RDH10: variants seen among roughly 807,000 people sequenced by gnomAD.
RDH10 encodes retinol dehydrogenase 10 (all-trans).
In RDH10, 12 loss-of-function variants were observed where a neutral mutation model predicts 30.2. That is an observed-to-expected ratio of 0.40 (90% CI 0.25 to 0.64). The LOEUF is 0.64. Among genes scored for constraint, RDH10 ranks in the 30% least tolerant of loss-of-function variants. The pLI, the probability that RDH10 is intolerant of heterozygous loss-of-function variation, is 0.43. For missense variants in RDH10, 268 were observed against 445.2 expected (o/e 0.60, Z 3.58); for synonymous variants, 189 against 172.2 (o/e 1.10, Z -0.76).
chr8:73,296,596 C>T (rs1286547135), intron 1 of RDH10, among the ~76,000 whole-genome samples: 1 of 152,132 alleles, frequency 6.6e-6, no homozygotes, highest in Admixed American at 6.5e-5. Context: ...GGTAAAATTG[C>T]ATATTTACCT....
intron 2 of RDH10, 44 bp downstream of exon 2, chr8:73,297,473 T>C (rs1814287766): frequency 1.4e-6 from 2 of 1,399,610 alleles, no homozygotes; most frequent in African/African-American, 2.8e-5. Flanking sequence ...CCCTCCTTAA[T>C]GAGAAGGTTG....
intron 2 of RDH10, among the ~76,000 whole-genome samples, chr8:73,301,176 G>A (rs1041611773): frequency 9.7e-5 from 14 of 144,734 alleles, no homozygotes; most frequent in East Asian, 2.1e-4. Context: ...TCAGCCTCCC[G>A]AGTAGCTGGG....
intron 2 of RDH10, among the ~76,000 whole-genome samples, chr8:73,299,691 A>G (rs1814342880): frequency 6.6e-6 from 1 of 152,208 alleles, no homozygotes; most frequent in South Asian, 2.1e-4. Context: ...CATCTTGCCT[A>G]CTTTGTCTGC....
Position 73,295,553 on chromosome 8 carries a change from G to A in RDH10, c.264G>A (p.Glu88=), listed in dbSNP as rs1332430418. ...TGCGCCACATCTACCGCGACCTGGA[G>A]GCGGCCGACGCCGCTGCGCTGCAAG... is the stretch of plus-strand genomic sequence containing the variant. The part of the protein sequence containing the change: ...GMVRHIYRDL[E]AADAAALQAG... Residue 88 remains glutamate (E), a synonymous_variant, in exon 1 of 6, where the codon GAG becomes GAA. Coordinates refer to ENST00000240285, the MANE Select transcript of RDH10 (RefSeq NM_172037.5). The A allele has an allele frequency of 1.4e-5, 22 of 1,539,666 alleles. No homozygotes were observed. Among genetic ancestry groups the A allele is most frequent in the Non-Finnish European group, 1.9e-5 (22 of 1,144,364 alleles).
At position 73,295,591 on chromosome 8, in the gene RDH10, C is replaced by T. The variant is rs548981209; in HGVS notation, c.289+13C>T. The T allele has an allele frequency of 4.7e-6, 7 of 1,481,652 alleles. No individual in the cohort carries two copies. The East Asian group carries it at 1.6e-4, about 33-fold the overall frequency. 91.8% of individuals were successfully genotyped at this position (1,481,652 alleles called of 1,614,324 possible). ...GCTGCGCTGCAAGGTAACCTGGACC[C>T]GCGCGGGAGCATTGTTGGGTCAAGC... is the stretch of plus-strand genomic sequence containing the variant. On this transcript the variant is annotated intron_variant, in intron 1 of 5. Coordinates refer to ENST00000240285, the MANE Select transcript of RDH10 (RefSeq NM_172037.5).
At chr8:73,297,725 GTTTA>G (rs1175917426) in intron 2 of RDH10, 2 of 278,998 alleles carry the variant, frequency 7.2e-6, no homozygotes, top group African/African-American at 4.3e-5. Context: ...CCCTGGGTTT[GTTTA>G]TTTTACTTTC....
chr8:73,309,578 A>G (rs1366462167), intron 2 of RDH10, among the ~76,000 whole-genome samples: 1 of 147,190 alleles, frequency 6.8e-6, no homozygotes, highest in Non-Finnish European at 1.5e-5. Context: ...ACTAAAAGTG[A>G]TGAAGTTTTG....
At chr8:73,322,168 G>A (rs1563553075) in intron 4 of RDH10, 1 of 375,450 alleles carries the variant, frequency 2.7e-6, no homozygotes, top group Non-Finnish European at 5.3e-6. Flanking sequence ...CAAACTGAAG[G>A]TAGGATGTCT....
rs952797709 is a variant in RDH10, at chr8:73,323,232, G to A, written c.*196G>A. ...ATGTGATCAGTACAAGTGAACTTAG[G>A]TTGTTGCCAACAGGGTCCTTTTAGG... On this transcript the variant is annotated 3_prime_UTR_variant, in exon 6 of 6. Transcript: ENST00000240285. 4.2e-6 allele frequency: 2 copies of A among 477,876 alleles called. No homozygotes were observed. The highest frequency in any genetic ancestry group is 7.5e-6 in the Non-Finnish European group (2 of 265,960). The allele number at this position is 477,876 out of a possible 1,614,324, so 29.6% of individuals were successfully genotyped here.
intron 2 of RDH10, among the ~76,000 whole-genome samples, chr8:73,307,815 G>A (rs1181344252): frequency 6.6e-6 from 1 of 152,170 alleles, no homozygotes; most frequent in Admixed American, 6.5e-5. Flanking sequence ...ATCTTCAAAT[G>A]TTGATTTTTT....
At chr8:73,318,401 T>C (rs887765668) in intron 2 of RDH10, among the ~76,000 whole-genome samples, 5 of 152,232 alleles carry the variant, frequency 3.3e-5, no homozygotes, top group Non-Finnish European at 7.3e-5. Flanking sequence ...GTGTGGCCAG[T>C]CACTTGCATC....
intron 2 of RDH10, among the ~76,000 whole-genome samples, chr8:73,304,376 G>A (rs1334056701): frequency 6.6e-6 from 1 of 152,030 alleles, no homozygotes; most frequent in African/African-American, 2.4e-5. Flanking sequence ...ACTTCATCCT[G>A]TGTGCCTCCA....
intron 2 of RDH10, among the ~76,000 whole-genome samples, chr8:73,302,258 A>G (rs1038973658): frequency 7.2e-5 from 11 of 152,240 alleles, no homozygotes; most frequent in African/African-American, 2.7e-4. Flanking sequence ...GGTAGGTTCT[A>G]GTCAGCATAA....
chr8:73,295,174 G>T lies in RDH10; in HGVS notation c.-116G>T. Reference sequence around the variant, plus strand: ...GGCACCTCGGGGGCGGGCGCGGGGCGCAGCCTTCTCGTCCCGGCCTCTGTG... The same window carrying T: ...GGCACCTCGGGGGCGGGCGCGGGGCTCAGCCTTCTCGTCCCGGCCTCTGTG... On this transcript the variant is annotated 5_prime_UTR_variant, in exon 1 of 6. Transcript: ENST00000240285. 1 of 1,036,318 alleles carries T rather than the reference G, an allele frequency of 9.6e-7. No individual in the cohort carries two copies. Among genetic ancestry groups the T allele is most frequent in the African/African-American group, 1.7e-5 (1 of 58,548 alleles). 64.2% of individuals were successfully genotyped at this position (1,036,318 alleles called of 1,614,324 possible).
At chr8:73,302,060 C>T (rs4460365) in intron 2 of RDH10, among the ~76,000 whole-genome samples, 24,837 of 152,132 alleles carry the variant, frequency 0.16, 2,396 homozygotes, top group Non-Finnish European at 0.22. Context: ...ACCCCCTTGG[C>T]AATTCTTTCC....
intron 2 of RDH10, among the ~76,000 whole-genome samples, chr8:73,309,086 C>T (rs1201771320): frequency 2.0e-5 from 3 of 151,686 alleles, no homozygotes; most frequent in African/African-American, 7.3e-5. Flanking sequence ...CATACACACA[C>T]TTTTTTTTTC....
chr8:73,310,287 A>G (rs1814541730), intron 2 of RDH10, among the ~76,000 whole-genome samples: 1 of 152,258 alleles, frequency 6.6e-6, no homozygotes, highest in Non-Finnish European at 1.5e-5. Context: ...ATGTTTAAAA[A>G]CAGAATAAGT....
intron 3 of RDH10, among the ~76,000 whole-genome samples, chr8:73,319,652 G>C (rs1814732216): frequency 6.6e-6 from 1 of 152,246 alleles, no homozygotes; most frequent in Admixed American, 6.5e-5. Flanking sequence ...ATTTTCATTA[G>C]CAGCTTCACT....
chr8:73,294,710 C>T lies in RDH10; in HGVS notation c.-580C>T. On this transcript the variant is annotated 5_prime_UTR_variant, in exon 1 of 6. Coordinates refer to ENST00000240285, the MANE Select transcript of RDH10 (RefSeq NM_172037.5). ...GCCGGGGAACGCGAGCCCTCGGGGG[C>T]AGCTGCAAGGCGTTGGGCAGCGCTT... 1 of 369,984 alleles carries T rather than the reference C, an allele frequency of 2.7e-6. No homozygotes were observed. The highest frequency in any genetic ancestry group is 4.8e-6 in the Non-Finnish European group (1 of 208,024). 22.9% of individuals were successfully genotyped at this position (369,984 alleles called of 1,614,324 possible). A position where few individuals can be genotyped will look rare whatever the true frequency, so the allele number is the denominator to read the frequency against.
Sources: gnomAD v4.1 joint callset for allele counts (sites outside exome capture counted in the v4.1 genomes callset) on GRCh38, gnomAD v4.1.1 for gene constraint, MANE v1.5 for transcripts, NCBI Gene and HGNC (gene_info 2026-07-23, HGNC 2026-07-21) for gene names.